Variants in JHY observed in about 807,000 individuals in gnomAD.
The protein encoded by JHY is jhy protein homolog.
JHY carries 69 observed loss-of-function variants against 78.0 expected under a neutral mutation model. The observed-to-expected ratio is 0.88, with a 90% CI of 0.73 to 1.08. JHY has a LOEUF of 1.08. Among genes scored for constraint, JHY ranks in the 50% least tolerant of loss-of-function variants. JHY has a pLI of 0.00. For missense variants in JHY, 944 were observed against 927.8 expected (o/e 1.02, Z -0.23); for synonymous variants, 368 against 342.6 (o/e 1.07, Z -0.82).
intron 2 of JHY, among the ~76,000 whole-genome samples, chr11:122,895,076 TAAG>T (rs1317770223): frequency 6.6e-6 from 1 of 152,204 alleles, no homozygotes; most frequent in Non-Finnish European, 1.5e-5. Flanking sequence ...AAGCTATTGA[TAAG>T]AAGATTAAGG....
chr11:122,908,238 T>C (rs868863599), intron 3 of JHY, among the ~76,000 whole-genome samples: 3 of 152,276 alleles, frequency 2.0e-5, no homozygotes, highest in South Asian at 2.1e-4. Context: ...TTTAAAAAGC[T>C]TGATGGACCT....
At chr11:122,938,032 G>T (rs1371645423) in intron 5 of JHY, among the ~76,000 whole-genome samples, 3 of 151,750 alleles carry the variant, frequency 2.0e-5, no homozygotes, top group Non-Finnish European at 2.9e-5. Context: ...GTTGTTTTTT[G>T]TTTTTTGTTT....
chr11:122,939,003 T>C (rs1373219223), intron 5 of JHY, among the ~76,000 whole-genome samples: 1 of 149,854 alleles, frequency 6.7e-6, no homozygotes, highest in Non-Finnish European at 1.5e-5. Flanking sequence ...TTTTTTTTTT[T>C]CCGGAGACGG....
At chr11:122,899,216 G>A (rs1591371599) in intron 2 of JHY, among the ~76,000 whole-genome samples, 1 of 152,120 alleles carries the variant, frequency 6.6e-6, no homozygotes, top group Admixed American at 6.5e-5. Context: ...GTAAGGGCTC[G>A]ATAAATAAAT....
chr11:122,884,157 A>T (rs1464171298), intron 1 of JHY, among the ~76,000 whole-genome samples: 1 of 152,240 alleles, frequency 6.6e-6, no homozygotes, highest in African/African-American at 2.4e-5. Context: ...ATGTTAGTCT[A>T]CCAACAGGGC....
At chr11:122,942,586 G>A (rs966058525) in intron 5 of JHY, among the ~76,000 whole-genome samples, 8 of 151,976 alleles carry the variant, frequency 5.3e-5, no homozygotes, top group African/African-American at 1.9e-4. Context: ...ACCATGCCCA[G>A]CTAATTTTTA....
In JHY at chr11:122,959,641, AT is replaced by A; in HGVS notation, c.*202del. 1.8e-6 allele frequency: 1 copy of A among 548,460 alleles called. No homozygotes were observed. Among genetic ancestry groups the A allele is most frequent in the Non-Finnish European group, 3.2e-6 (1 of 315,498 alleles). The allele number at this position is 548,460 out of a possible 1,614,324, so 34.0% of individuals were successfully genotyped here. A position where few individuals can be genotyped will look rare whatever the true frequency, so the allele number is the denominator to read the frequency against. On this transcript the variant is annotated 3_prime_UTR_variant, in exon 9 of 9. Coordinates refer to ENST00000227349, the MANE Select transcript of JHY (RefSeq NM_024806.4). ...CCATATTTTACTTTCTAGGAAGAAA[AT>A]TTTTTAAATTATTTATTTTCAAATC... is the stretch of plus-strand genomic sequence containing the variant.
rs1864306703 is a variant in JHY, at chr11:122,961,190, T to C, written c.*1745T>C. 2.4e-5 allele frequency: 12 copies of C among 508,676 alleles called. No homozygotes were observed. The South Asian group carries it at 2.5e-4, about 11-fold the overall frequency. The allele number at this position is 508,676 out of a possible 1,614,324, so 31.5% of individuals were successfully genotyped here. On this transcript the variant is annotated 3_prime_UTR_variant, in exon 9 of 9. Coordinates refer to ENST00000227349, the MANE Select transcript of JHY (RefSeq NM_024806.4). ...CTGTATTGCCCTCTACTGAAGTAGA[T>C]AGTTTATATCTCCTAAAAATGAAAC...
At chr11:122,914,347 T>C (rs1863191454) in intron 3 of JHY, among the ~76,000 whole-genome samples, 1 of 152,188 alleles carries the variant, frequency 6.6e-6, no homozygotes, top group African/African-American at 2.4e-5. Flanking sequence ...TAAGTTATGG[T>C]CATTTTTTTG....
intron 3 of JHY, among the ~76,000 whole-genome samples, chr11:122,922,585 C>A (rs1287639310): frequency 3.3e-5 from 5 of 151,458 alleles, no homozygotes; most frequent in Non-Finnish European, 7.4e-5. Context: ...CCGAGGTGGG[C>A]GGATCACGAG....
chr11:122,904,942 A>G (rs1466323456), intron 3 of JHY, among the ~76,000 whole-genome samples: 3 of 152,200 alleles, frequency 2.0e-5, no homozygotes, highest in Non-Finnish European at 4.4e-5. Flanking sequence ...CCCAGCTCAC[A>G]TACAGAAGCG....
Position 122,885,837 on chromosome 11 carries a change from T to C in JHY, c.-13T>C. ...ACACGAGTATCCCCTGTTAATTTTT[T>C]GCATTTTTCAAGATGAGTAAACGTA... On this transcript the variant is annotated 5_prime_UTR_variant, in exon 2 of 9. Coordinates refer to ENST00000227349, the MANE Select transcript of JHY (RefSeq NM_024806.4). The C allele has an allele frequency of 6.3e-7, 1 of 1,580,756 alleles. No homozygotes were observed. Among genetic ancestry groups the C allele is most frequent in the Non-Finnish European group, 8.7e-7 (1 of 1,155,936 alleles).
Position 122,960,630 on chromosome 11 carries a change from T to C in JHY, c.*1185T>C. On this transcript the variant is annotated 3_prime_UTR_variant, in exon 9 of 9. Transcript: ENST00000227349. ...AATATACATGATTACCCCAGAGACC[T>C]TTTCTACTATATCAATAGTAGGGTT... 1 of 324,520 alleles carries C rather than the reference T, an allele frequency of 3.1e-6. No individual in the cohort carries two copies. Among genetic ancestry groups the C allele is most frequent in the African/African-American group, 2.2e-5 (1 of 46,262 alleles). The allele number at this position is 324,520 out of a possible 1,614,324, so 20.1% of individuals were successfully genotyped here.
chr11:122,956,366 C>T (rs1591402517), intron 6 of JHY, 130 bp from the exon 7 acceptor site: 1 of 580,974 alleles, frequency 1.7e-6, no homozygotes, highest in Non-Finnish European at 2.9e-6. Flanking sequence ...TGCGGCCATT[C>T]TCTGACAGTG....
chr11:122,885,020 G>A (rs1223914698), intron 1 of JHY, among the ~76,000 whole-genome samples: 1 of 151,196 alleles, frequency 6.6e-6, no homozygotes, highest in Non-Finnish European at 1.5e-5. Context: ...ATGTTGCCCG[G>A]GGTGGTCTTG....
rs1434764810 is a variant in JHY, at chr11:122,882,814, C to G, written c.-248C>G. On this transcript the variant is annotated 5_prime_UTR_variant, in exon 1 of 9. In the 5' UTR this introduces an upstream ATG that the reference lacks. Coordinates refer to ENST00000227349, the MANE Select transcript of JHY (RefSeq NM_024806.4). ...GGGGGTGCGGTTCGGGACGCGGGAT[C>G]CTAGGTCGGGTCCTGCCCCGCCCAT... The G allele has an allele frequency of 6.5e-6, 1 of 153,018 alleles. No individual in the cohort carries two copies. The highest frequency in any genetic ancestry group is 6.5e-5 in the Admixed American group (1 of 15,276). The allele number at this position is 153,018 out of a possible 1,614,324, so 9.5% of individuals were successfully genotyped here.
intron 6 of JHY, 33 bp downstream of exon 6, chr11:122,946,825 T>G (rs1863975745): frequency 6.4e-7 from 1 of 1,574,028 alleles, no homozygotes; most frequent in Non-Finnish European, 8.6e-7. Flanking sequence ...CAAGTAACTC[T>G]TCCATTTTGA....
Position 122,935,139 on chromosome 11 carries a change from G to A in JHY, c.1634+64G>A, listed in dbSNP as rs188503407. The A allele has an allele frequency of 5.5e-5, 77 of 1,408,070 alleles. No homozygotes were observed. The Middle Eastern group carries it at 7.4e-4, about 14-fold the overall frequency. 87.2% of individuals were successfully genotyped at this position (1,408,070 alleles called of 1,614,324 possible). A position where few individuals can be genotyped will look rare whatever the true frequency, so the allele number is the denominator to read the frequency against. On this transcript the variant is annotated intron_variant, in intron 5 of 8. Transcript: ENST00000227349. This position sits in a 1 kb window ranked among gnomAD's most constrained non-coding sequence, Gnocchi z 4.5. ...AAAGGAGAGACTGCTGCAGAAAGAC[G>A]GGAGAGGAAGAAGGGGAAGGGGAAT... is the stretch of plus-strand genomic sequence containing the variant.
chr11:122,949,799 A>T (rs1864046595), intron 6 of JHY, among the ~76,000 whole-genome samples: 1 of 151,738 alleles, frequency 6.6e-6, no homozygotes, highest in Non-Finnish European at 1.5e-5. Context: ...GTTCCACTGT[A>T]AGTAAGGAGA....
Sources: gnomAD v4.1 joint callset for allele counts (sites outside exome capture counted in the v4.1 genomes callset) on GRCh38, gnomAD v4.1.1 for gene constraint, Gnocchi (gnomAD v3.1) non-coding constraint, MANE v1.5 for transcripts, NCBI Gene and HGNC (gene_info 2026-07-23, HGNC 2026-07-21) for gene names.